IRAG2: variants seen among roughly 807,000 people sequenced by gnomAD.
IRAG2 encodes lymphoid restricted membrane protein.
IRAG2 carries 45 observed loss-of-function variants against 69.9 expected under a neutral mutation model. The ratio of observed to expected loss-of-function variants is 0.64; its 90% CI spans 0.51 to 0.83. IRAG2 has a LOEUF of 0.83. Among genes scored for constraint, IRAG2 ranks in the 40% least tolerant of loss-of-function variants. IRAG2 has a pLI of 0.00. For missense variants in IRAG2, 520 were observed against 587.0 expected, an observed-to-expected ratio of 0.89 and a Z score of 1.18; for synonymous variants, 193 against 202.4, an observed-to-expected ratio of 0.95 and a Z score of 0.40.
At chr12:25,011,621 C>T in intron 3 of IRAG2, 1 of 982,152 alleles carries the variant, frequency 1.0e-6, no homozygotes, top group Non-Finnish European at 1.3e-6. Context: ...ATGCTAATCA[C>T]TGTTTCCTGT....
chr12:25,017,331 T>A (rs750207771), intron 6 of IRAG2: 20 of 1,228,666 alleles, frequency 1.6e-5, no homozygotes, highest in Non-Finnish European at 1.9e-5. Context: ...GGAACTTTCA[T>A]TTCTTTTTTC....
At chr12:25,071,280 A>T (rs1317032123) in intron 6 of IRAG2, among the ~76,000 whole-genome samples, 1 of 152,164 alleles carries the variant, frequency 6.6e-6, no homozygotes, top group African/African-American at 2.4e-5. Flanking sequence ...CAGGAGGCAG[A>T]GGTTGCAGTG....
chr12:25,060,399 G>A (rs1302644612), intron 1 of IRAG2, among the ~76,000 whole-genome samples: 1 of 152,072 alleles, frequency 6.6e-6, no homozygotes, highest in Non-Finnish European at 1.5e-5. Context: ...AAGACCTTTA[G>A]AGATTTTACT....
intron 17 of IRAG2, 21 bp from the exon 18 acceptor site, chr12:25,103,816 A>C (rs763430352): frequency 6.4e-7 from 1 of 1,570,258 alleles, no homozygotes; most frequent in East Asian, 2.2e-5. Context: ...TTCTAAATGT[A>C]CATTTTCCTC....
upstream of IRAG2, among the ~76,000 whole-genome samples, chr12:25,048,645 G>A (rs1944817349): frequency 6.6e-6 from 1 of 152,072 alleles, no homozygotes; most frequent in Non-Finnish European, 1.5e-5. Flanking sequence ...AAAGTTCCTT[G>A]CAGACTCTGG....
chr12:25,035,302 T>G (rs1482209306), intron 13 of IRAG2, among the ~76,000 whole-genome samples: 1 of 152,214 alleles, frequency 6.6e-6, no homozygotes, highest in Non-Finnish European at 1.5e-5. Context: ...GAAGCCAACC[T>G]GTTTTCAGTG....
chr12:25,077,058 G>A (rs968363932), intron 6 of IRAG2, among the ~76,000 whole-genome samples: 2 of 150,162 alleles, frequency 1.3e-5, no homozygotes, highest in African/African-American at 4.9e-5. Flanking sequence ...TAGTAGAGAT[G>A]GGGTATTGTC....
intron 6 of IRAG2, among the ~76,000 whole-genome samples, chr12:25,073,882 T>C (rs777917418): frequency 3.3e-5 from 5 of 152,240 alleles, no homozygotes; most frequent in Non-Finnish European, 5.9e-5. Context: ...TGAAACAAGA[T>C]TGGCCATAGG....
At position 25,034,775 on chromosome 12, in the gene IRAG2, A is replaced by G. The variant is rs181064797; in HGVS notation, c.1743+828A>G. On this transcript the variant is annotated intron_variant, in intron 13 of 38. Transcript: ENST00000636465. The stretch of plus-strand genomic sequence containing the variant: ...AAGGAGAGAAAGAATGCCTTTGGGC[A>G]AACGCTATTTGAATTGCTTCTGCCA... 2.6e-5 allele frequency among the ~76,000 whole-genome samples: 4 copies of G among 152,370 alleles called. No individual in the cohort carries two copies. In the East Asian group the frequency reaches 7.7e-4, roughly 29 times the overall value.
chr12:25,085,054 G>A (rs1947477257), intron 10 of IRAG2, among the ~76,000 whole-genome samples: 1 of 152,242 alleles, frequency 6.6e-6, no homozygotes, highest in African/African-American at 2.4e-5. Flanking sequence ...AGCATCTAGG[G>A]GTCAGTGTCT....
chr12:25,015,325 C>T (rs1944518393), intron 4 of IRAG2: 1 of 1,230,552 alleles, frequency 8.1e-7, no homozygotes, highest in African/African-American at 1.6e-5. Context: ...GATTTTTTTT[C>T]ATAAAACTCT....
chr12:25,105,306 G>A (rs1049535515), intron 20 of IRAG2, among the ~76,000 whole-genome samples: 1 of 152,022 alleles, frequency 6.6e-6, no homozygotes, highest in African/African-American at 2.4e-5. Flanking sequence ...TCGATCTCCT[G>A]ACCTCGTGAT....
chr12:25,062,152 C>A lies in IRAG2; in HGVS notation c.-385+499C>A, dbSNP rs1215939114. ...CCTTCCCTTGTGATACTTGGTGAATCTCCTTTTTGTTCAGAAATGAAGAAC... is the reference window on the plus strand; with the variant it reads ...CCTTCCCTTGTGATACTTGGTGAATATCCTTTTTGTTCAGAAATGAAGAAC... On this transcript the variant is annotated intron_variant, in intron 2 of 21. Transcript: ENST00000556887. 2.0e-5 allele frequency among the ~76,000 whole-genome samples: 3 copies of A among 152,106 alleles called. No individual in the cohort carries two copies. The East Asian group carries it at 5.8e-4, about 29-fold the overall frequency.
At chr12:25,004,951 A>G in intron 1 of IRAG2, 3 of 1,173,512 alleles carry the variant, frequency 2.6e-6, no homozygotes, top group Non-Finnish European at 3.2e-6. Context: ...TCCTTCCAAT[A>G]GAGCAATAAA....
chr12:25,058,035 C>T (rs1373192584), intron 1 of IRAG2, among the ~76,000 whole-genome samples: 1 of 152,140 alleles, frequency 6.6e-6, no homozygotes, highest in East Asian at 1.9e-4. Context: ...GGGGTTACGA[C>T]GGACAAAGCT....
At chr12:25,106,373 A>G (rs1030385615) in intron 20 of IRAG2, among the ~76,000 whole-genome samples, 36 of 147,010 alleles carry the variant, frequency 2.4e-4, no homozygotes, top group African/African-American at 7.2e-4. Flanking sequence ...ATAAATATAT[A>G]TATTATGGAA....
intron 1 of IRAG2, among the ~76,000 whole-genome samples, chr12:25,055,791 A>G (rs1945213353): frequency 6.6e-6 from 1 of 152,178 alleles, no homozygotes; most frequent in African/African-American, 2.4e-5. Context: ...GAACTCATCT[A>G]AAAAGGAAAT....
intron 7 of IRAG2, among the ~76,000 whole-genome samples, chr12:25,021,452 T>TA (rs140797007): frequency 0.02 from 3,082 of 151,194 alleles, 104 homozygotes; most frequent in African/African-American, 0.069. Flanking sequence ...TTCTCAGATT[T>TA]AAAAAAAAAC....
rs1256950085 is a variant in IRAG2 at position 25,004,894 on chromosome 12, A to G, written c.553A>G (p.Lys185Glu). 10 of 1,231,560 alleles carry G rather than the reference A, an allele frequency of 8.1e-6. No homozygotes were observed. In the African/African-American group the frequency reaches 1.6e-4, roughly 19 times the overall value. 76.3% of individuals were successfully genotyped at this position (1,231,560 alleles called of 1,614,324 possible). ...TGATCCTCAGGATTCAGTGGTAAAA[A>G]AATTATCTCTGAATGAAGATGGTAA... Residue 185 changes from lysine to glutamate, a missense_variant, in exon 1 of 39, where the codon AAA (lysine) becomes GAA (glutamate). By Grantham distance (56) the Lys-to-Glu change is moderately conservative. Coordinates refer to the IRAG2 transcript ENST00000636465.
Sources: gnomAD v4.1 joint callset for allele counts (sites outside exome capture counted in the v4.1 genomes callset) on GRCh38, gnomAD v4.1.1 for gene constraint, MANE v1.5 for transcripts, NCBI Gene and HGNC (gene_info 2026-07-23, HGNC 2026-07-21) for gene names.